Variants in KNCN observed in about 807,000 individuals in gnomAD.
The protein encoded by KNCN is kinocilin.
Under a neutral mutation model 10.4 loss-of-function variants are expected in KNCN, and 11 were observed. That is an observed-to-expected ratio of 1.06 (90% CI 0.67 to 1.75). The LOEUF is 1.75. KNCN is among the 40% of genes most tolerant of loss of function. The probability of loss-of-function intolerance (pLI) is 0.00; values close to 1 mark genes in which losing one functional copy is unlikely to be tolerated. For missense variants in KNCN, 172 were observed against 167.1 expected, an observed-to-expected ratio of 1.03 and a Z score of -0.16; for synonymous variants, 67 against 71.6, an observed-to-expected ratio of 0.94 and a Z score of 0.33.
chr1:46,549,152 AAG>A, intron 3 of KNCN, 39 bp downstream of exon 3: 2 of 1,531,002 alleles, frequency 1.3e-6, no homozygotes, highest in Non-Finnish European at 1.8e-6. Context: ...AAAAAAAAAA[AAG>A]AAAAAAGAAG....
rs1666930143 is a variant in KNCN, at chr1:46,545,908, C to T, written c.*1822G>A. 1 of 152,268 alleles carries T rather than the reference C, an allele frequency of 6.6e-6. No individual in the cohort carries two copies. The highest frequency in any genetic ancestry group is 6.5e-5 in the Admixed American group (1 of 15,278). 9.4% of individuals were successfully genotyped at this position (152,268 alleles called of 1,614,324 possible). A position where few individuals can be genotyped will look rare whatever the true frequency, so the allele number is the denominator to read the frequency against. ...GTCTCCTCATTGATTGAGGAGGGAC[C>T]AGCAGCCTGAGATATTGTTGATGAT... is the stretch of plus-strand genomic sequence containing the variant. On this transcript the variant is annotated 3_prime_UTR_variant, in exon 4 of 4. Coordinates refer to ENST00000481882, the MANE Select transcript of KNCN (RefSeq NM_001322255.2).
At chr1:46,549,897 G>A in intron 2 of KNCN, 37 bp downstream of exon 2, 1 of 1,550,534 alleles carries the variant, frequency 6.4e-7, no homozygotes, top group Non-Finnish European at 8.7e-7. Flanking sequence ...AACAGTCCTT[G>A]GCAGAGGGGT....
chr1:46,549,840 C>T (rs1557805586), intron 2 of KNCN, 94 bp downstream of exon 2: 2 of 1,546,718 alleles, frequency 1.3e-6, no homozygotes, highest in South Asian at 2.4e-5. Context: ...CACATGGGCT[C>T]ATCCCAGCCA....
chr1:46,549,816 CTA>C lies in KNCN; in HGVS notation c.220+116_220+117del, dbSNP rs56849633. 0.017 allele frequency: 26,035 copies of C among 1,522,572 alleles called. 1,683 individuals carry two copies. In the East Asian group the frequency reaches 0.24, roughly 14 times the overall value. 94.3% of individuals were successfully genotyped at this position (1,522,572 alleles called of 1,614,324 possible). A position where few individuals can be genotyped will look rare whatever the true frequency, so the allele number is the denominator to read the frequency against. On this transcript the variant is annotated intron_variant, in intron 2 of 3. Transcript: ENST00000481882. ...CACACAGCAGCTCTAACACAGACAG[CTA>C]GCGCGGTCTCACACATGGGCTCATC...
chr1:46,550,118 C>G, intron 1 of KNCN, 116 bp from the exon 2 acceptor site: 1 of 1,528,722 alleles, frequency 6.5e-7, no homozygotes, highest in South Asian at 1.2e-5. Flanking sequence ...ATGGGAGGAG[C>G]ACAGTGTGCA....
At position 46,547,744 on chromosome 1, in the gene KNCN, C is replaced by G; in HGVS notation, c.361G>C (p.Ala121Pro). The change falls in exon 4 of 4, where the codon GCT (alanine) becomes CCT (proline). Residue 121 changes from alanine to proline, a missense_variant. Ala to Pro is a conservative substitution (Grantham distance 27). Transcript: ENST00000481882. The stretch of plus-strand genomic sequence containing the variant: ...CAGACTTTGCCTCAGCATTCCTCAG[C>G]CCCCCGGGTCCCCGGCTTCAGCTTC... ...LEKLKPGTRGAEEC is the reference protein window; with the variant it reads ...LEKLKPGTRGPEEC 1 of 1,483,786 alleles carries G rather than the reference C, an allele frequency of 6.7e-7. No individual in the cohort carries two copies. Among genetic ancestry groups the G allele is most frequent in the Non-Finnish European group, 9.0e-7 (1 of 1,117,054 alleles). 91.9% of individuals were successfully genotyped at this position (1,483,786 alleles called of 1,614,324 possible).
intron 3 of KNCN, among the ~76,000 whole-genome samples, chr1:46,548,214 A>G (rs1666988150): frequency 6.6e-6 from 1 of 152,066 alleles, no homozygotes; most frequent in Non-Finnish European, 1.5e-5. Flanking sequence ...AAGAGCGAAT[A>G]ATAGATGAAC....
chr1:46,549,801 C>G, intron 2 of KNCN, 133 bp downstream of exon 2: 2 of 1,484,892 alleles, frequency 1.3e-6, no homozygotes, highest in Non-Finnish European at 1.8e-6. Flanking sequence ...CACACAGCAG[C>G]TCTAACACAG....
intron 1 of KNCN, among the ~76,000 whole-genome samples, chr1:46,550,544 T>G (rs1167567196): frequency 1.6e-5 from 2 of 128,048 alleles, no homozygotes; most frequent in South Asian, 3.2e-4. Flanking sequence ...GGGGGTGGGG[T>G]GAGGTGAGGT....
In KNCN at chr1:46,551,034, C is replaced by T. The variant is rs574250422; in HGVS notation, c.151+31G>A. Reference sequence around the variant, plus strand: ...CCCCTGCCCCCACCTCCAGAATCTCCCTTCCCTATCCCAGCCCAGCCCCTG... The same window carrying T: ...CCCCTGCCCCCACCTCCAGAATCTCTCTTCCCTATCCCAGCCCAGCCCCTG... On this transcript the variant is annotated intron_variant, in intron 1 of 3. Transcript: ENST00000481882. The surrounding 1 kb of genome is among the most constrained non-coding windows in gnomAD (Gnocchi z 4.0). 1.9e-6 allele frequency: 3 copies of T among 1,549,910 alleles called. No homozygotes were observed. The highest frequency in any genetic ancestry group is 1.4e-5 in the African/African-American group (1 of 72,046).
At position 46,551,246 on chromosome 1, in the gene KNCN, G is replaced by GGT; in HGVS notation, c.-33_-32dup. 2 of 1,588,174 alleles carry GGT rather than the reference G, an allele frequency of 1.3e-6. No homozygotes were observed. The highest frequency in any genetic ancestry group is 1.7e-6 in the Non-Finnish European group (2 of 1,170,452). Reference sequence around the variant, plus strand: ...CCCACCCGGGGCACTGCCTCCAGCCGGTGCAGTCTGGCCCCAGAAAAGTCC... The same window carrying GGT: ...CCCACCCGGGGCACTGCCTCCAGCCGGTGTGCAGTCTGGCCCCAGAAAAGTCC... On this transcript the variant is annotated 5_prime_UTR_variant, in exon 1 of 4. Transcript: ENST00000481882. This position sits in a 1 kb window ranked among gnomAD's most constrained non-coding sequence, Gnocchi z 4.0.
chr1:46,549,884 T>TGGA (rs1174415453), intron 2 of KNCN, 50 bp downstream of exon 2: 1 of 1,550,462 alleles, frequency 6.4e-7, no homozygotes. Flanking sequence ...ACAAAGGGTC[T>TGGA]GGAACAGTCC....
In KNCN at chr1:46,551,120, G is replaced by C. The variant is rs370404843; in HGVS notation, c.96C>G (p.Ser32=). The part of the protein sequence containing the change: ...LVAGSIIIGI[S]VSKAAAAMGG... ...CCATGGCAGCTGCAGCCTTGGATAC[G>C]GAGATGCCGATAATGATGCTGCCAG... is the stretch of plus-strand genomic sequence containing the variant. Residue 32 remains serine, a synonymous_variant, in exon 1 of 4, where the codon TCC becomes TCG. Transcript: ENST00000481882. The surrounding 1 kb of genome is among the most constrained non-coding windows in gnomAD (Gnocchi z 4.0). The C allele has an allele frequency of 2.5e-6, 4 of 1,611,350 alleles. No homozygotes were observed. The highest frequency in any genetic ancestry group is 3.4e-6 in the Non-Finnish European group (4 of 1,178,668).
In KNCN at chr1:46,551,135, G is replaced by A. The variant is rs1667058012; in HGVS notation, c.81C>T (p.Ile27=). The part of the protein sequence containing the change: ...CVALGLVAGS[I]IIGISVSKAA... Reference sequence around the variant, plus strand: ...CCTTGGATACGGAGATGCCGATAATGATGCTGCCAGCCACCAGCCCGAGAG... The same window carrying A: ...CCTTGGATACGGAGATGCCGATAATAATGCTGCCAGCCACCAGCCCGAGAG... Residue 27 remains isoleucine, a synonymous_variant, in exon 1 of 4, where the codon ATC becomes ATT. Coordinates refer to ENST00000481882, the MANE Select transcript of KNCN (RefSeq NM_001322255.2). This position sits in a 1 kb window ranked among gnomAD's most constrained non-coding sequence, Gnocchi z 4.0. 2 of 1,611,372 alleles carry A rather than the reference G, an allele frequency of 1.2e-6. No homozygotes were observed. Among genetic ancestry groups the A allele is most frequent in the East Asian group, 2.2e-5 (1 of 44,642 alleles).
In KNCN at chr1:46,547,627, C is replaced by T. The variant is rs747009624; in HGVS notation, c.*103G>A. ...CCAGCCGCTCTGGGGTCTGCAGGGC[C>T]TGGCTTGTCTCCGGTCCGGGTCTCC... On this transcript the variant is annotated 3_prime_UTR_variant, in exon 4 of 4. Transcript: ENST00000481882. 4.4e-6 allele frequency: 4 copies of T among 905,204 alleles called. No homozygotes were observed. Among genetic ancestry groups the T allele is most frequent in the South Asian group, 1.4e-5 (1 of 71,136 alleles). The allele number at this position is 905,204 out of a possible 1,614,324, so 56.1% of individuals were successfully genotyped here. A position where few individuals can be genotyped will look rare whatever the true frequency, so the allele number is the denominator to read the frequency against.
rs885125 is a variant in KNCN, at chr1:46,546,090, A to G, written c.*1640T>C. 79,100 of 152,082 alleles carry G rather than the reference A, an allele frequency of 0.52. 21,045 individuals carry two copies. The highest frequency in any genetic ancestry group is 0.69 in the East Asian group (3,536 of 5,162). 9.4% of individuals were successfully genotyped at this position (152,082 alleles called of 1,614,324 possible). ...CAGCCCCTTCATGGAGGTCTGTCGC[A>G]CTGTTGTCAGAGAACTGATCCCTGC... is the stretch of plus-strand genomic sequence containing the variant. On this transcript the variant is annotated 3_prime_UTR_variant, in exon 4 of 4. Coordinates refer to ENST00000481882, the MANE Select transcript of KNCN (RefSeq NM_001322255.2).
At chr1:46,550,565 A>C in intron 1 of KNCN, among the ~76,000 whole-genome samples, 1 of 150,816 alleles carries the variant, frequency 6.6e-6, no homozygotes, top group Admixed American at 6.6e-5. Context: ...GAGGTGAGGG[A>C]TGGCATTCAG....
rs768359743 is a variant in KNCN, at chr1:46,547,160, T to C, written c.*570A>G. The stretch of plus-strand genomic sequence containing the variant: ...TTTGTGAGCCCCCCAAATTCCCCCA[T>C]CTGATTCACTGCTGCTCAGAGCCTG... On this transcript the variant is annotated 3_prime_UTR_variant, in exon 4 of 4. Transcript: ENST00000481882. The C allele has an allele frequency of 1.2e-4, 43 of 345,666 alleles. No individual in the cohort carries two copies. Among genetic ancestry groups the C allele is most frequent in the Admixed American group, 4.0e-4 (10 of 25,118 alleles). The allele number at this position is 345,666 out of a possible 1,614,324, so 21.4% of individuals were successfully genotyped here. A position where few individuals can be genotyped will look rare whatever the true frequency, so the allele number is the denominator to read the frequency against.
At chr1:46,550,600 C>T (rs373510834) in intron 1 of KNCN, among the ~76,000 whole-genome samples, 80 of 152,254 alleles carry the variant, frequency 5.3e-4, no homozygotes, top group African/African-American at 1.7e-3. Context: ...AATCAGTGGG[C>T]GTGGCCCCAC....
Sources: gnomAD v4.1 joint callset for allele counts (sites outside exome capture counted in the v4.1 genomes callset) on GRCh38, gnomAD v4.1.1 for gene constraint, Gnocchi (gnomAD v3.1) non-coding constraint, MANE v1.5 for transcripts, NCBI Gene and HGNC (gene_info 2026-07-23, HGNC 2026-07-21) for gene names.